PHF10: variants seen among roughly 807,000 people sequenced by gnomAD.
PHF10 encodes the protein PHD finger protein 10.
Under a neutral mutation model 68.5 loss-of-function variants are expected in PHF10, and 51 were observed. That is an observed-to-expected ratio of 0.74 (90% CI 0.59 to 0.94). The LOEUF (loss-of-function observed/expected upper bound fraction) is 0.94. Among genes scored for constraint, PHF10 ranks in the 40% least tolerant of loss-of-function variants. PHF10 has a pLI of 0.00. For missense variants in PHF10, 460 were observed against 602.6 expected, an observed-to-expected ratio of 0.76 and a Z score of 2.48; for synonymous variants, 204 against 203.5, an observed-to-expected ratio of 1.00 and a Z score of -0.02.
At chr6:169,714,354 T>TA (rs1788995399) in intron 7 of PHF10, among the ~76,000 whole-genome samples, 2 of 152,338 alleles carry the variant, frequency 1.3e-5, no homozygotes, top group African/African-American at 4.8e-5. Context: ...AGACATCTGT[T>TA]AAAATGCAGA....
Position 169,715,720 on chromosome 6 carries a change from G to A in PHF10, c.681C>T (p.Asp227=), listed in dbSNP as rs1789031707. The A allele has an allele frequency of 1.9e-6, 3 of 1,611,806 alleles. No homozygotes were observed. Among genetic ancestry groups the A allele is most frequent in the Non-Finnish European group, 2.5e-6 (3 of 1,179,818 alleles). Residue 227 remains aspartate (D), a synonymous_variant, in exon 6 of 12, where the codon GAC becomes GAT. Transcript: ENST00000339209. The part of the protein sequence containing the change: ...ERMEERRAYF[D]LQTHVIQVPQ... ...TAAGTTATCCTACATGTGTCTGCAA[G>A]TCAAAATAAGCTCTTCTTTCTTCCA... is the stretch of plus-strand genomic sequence containing the variant.
chr6:169,706,725 CAT>C lies in PHF10; in HGVS notation c.1114-1003_1114-1002del, dbSNP rs1333529844. Among the ~76,000 whole-genome samples the C allele has an allele frequency of 2.0e-3, 150 of 73,362 alleles. 1 individual carries two copies. Among genetic ancestry groups the C allele is most frequent in the Middle Eastern group, 0.012 (2 of 162 alleles). 48.1% of individuals were successfully genotyped at this position (73,362 alleles called of 152,430 possible). On this transcript the variant is annotated intron_variant, in intron 9 of 11. Coordinates refer to ENST00000339209, the MANE Select transcript of PHF10 (RefSeq NM_018288.4). ...TGGGGTAAGGGGACATACATACATA[CAT>C]ACACACACACACACACACACACACA...
At chr6:169,718,533 C>T (rs946082696) in intron 3 of PHF10, among the ~76,000 whole-genome samples, 1 of 152,024 alleles carries the variant, frequency 6.6e-6, no homozygotes, top group Non-Finnish European at 1.5e-5. Context: ...TGCCACGCGT[C>T]GTGGTGCACA....
At position 169,715,763 on chromosome 6, in the gene PHF10, T is replaced by G; in HGVS notation, c.638A>C (p.Asn213Thr). Residue 213 changes from asparagine (N) to threonine (T), a missense_variant, in exon 6 of 12, where the codon AAC (asparagine) becomes ACC (threonine). This residue lies in a region of PHF10 where 256 missense variants were observed against 410.5 expected (regional missense o/e 0.62). Coordinates refer to ENST00000339209, the MANE Select transcript of PHF10 (RefSeq NM_018288.4). ...AAKKAAEFNS[N>T]LNRERMEERR... Reference sequence around the variant, plus strand: ...TTCTTCCATGCGTTCCCGGTTTAAGTTGCTATTAAATTCTGCTGCTTTTTT... The same window carrying G: ...TTCTTCCATGCGTTCCCGGTTTAAGGTGCTATTAAATTCTGCTGCTTTTTT... 6.2e-7 allele frequency: 1 copy of G among 1,613,422 alleles called. No homozygotes were observed.
In PHF10 at chr6:169,710,407, C is replaced by A; in HGVS notation, c.958-16G>T. 6.3e-7 allele frequency: 1 copy of A among 1,593,240 alleles called. No homozygotes were observed. The highest frequency in any genetic ancestry group is 8.6e-7 in the Non-Finnish European group (1 of 1,167,328). ...AGGAGCTGTCCTGGAGTTTAAAAGGCAAAAACAAAGATTCTTTGGAATTAA... is the reference window on the plus strand; with the variant it reads ...AGGAGCTGTCCTGGAGTTTAAAAGGAAAAAACAAAGATTCTTTGGAATTAA... On this transcript the variant is annotated splice_polypyrimidine_tract_variant and intron_variant, in intron 8 of 11. Transcript: ENST00000339209.
chr6:169,705,079 G>A, intron 11 of PHF10, 54 bp downstream of exon 11: 1 of 1,353,344 alleles, frequency 7.4e-7, no homozygotes, highest in Non-Finnish European at 1.0e-6. Flanking sequence ...CTTTTGGAGT[G>A]CTGGGAGAGT....
chr6:169,718,589 G>A (rs1388501264), intron 3 of PHF10, among the ~76,000 whole-genome samples, 199 bp downstream of exon 3: 7 of 152,172 alleles, frequency 4.6e-5, no homozygotes. Context: ...GAGACAGCTA[G>A]CCCAGGAGTG....
At chr6:169,718,943 C>A (rs540359721) in intron 2 of PHF10, 25 bp from the exon 3 acceptor site, 8 of 1,423,942 alleles carry the variant, frequency 5.6e-6, no homozygotes, top group Non-Finnish European at 9.8e-7. Context: ...ACATATTATG[C>A]ATTAAATGTA....
chr6:169,709,303 CT>C (rs17860614), intron 9 of PHF10: 1 of 152,046 alleles, frequency 6.6e-6, no homozygotes, highest in Non-Finnish European at 1.5e-5. Flanking sequence ...CTTGGCAAAA[CT>C]TTCTCATCAG....
Position 169,715,783 on chromosome 6 carries a change from T to C in PHF10, c.618A>G (p.Lys206=), listed in dbSNP as rs561577526. 1 of 1,613,472 alleles carries C rather than the reference T, an allele frequency of 6.2e-7. No homozygotes were observed. The highest frequency in any genetic ancestry group is 1.1e-5 in the South Asian group (1 of 91,054). The part of the protein sequence containing the change: ...VPEYIKKAAK[K]AAEFNSNLNR... Reference sequence around the variant, plus strand: ...TTAAGTTGCTATTAAATTCTGCTGCTTTTTTGGCAGCTTTCTTAATATACT... The same window carrying C: ...TTAAGTTGCTATTAAATTCTGCTGCCTTTTTGGCAGCTTTCTTAATATACT... The change falls in exon 6 of 12, where the codon AAA becomes AAG. Residue 206 remains lysine, a synonymous_variant. Coordinates refer to ENST00000339209, the MANE Select transcript of PHF10 (RefSeq NM_018288.4).
Position 169,712,515 on chromosome 6 carries a change from A to G in PHF10, c.828T>C (p.Tyr276=). The G allele has an allele frequency of 6.2e-7, 1 of 1,613,570 alleles. No homozygotes were observed. Among genetic ancestry groups the G allele is most frequent in the Non-Finnish European group, 8.5e-7 (1 of 1,179,790 alleles). Residue 276 remains tyrosine, a synonymous_variant, in exon 8 of 12, where the codon TAT becomes TAC. Transcript: ENST00000339209. ...CATACAGGGCTGTGTTTAATGGCAG[A>G]TACCGCAGCTCATCTGGTGAGTACC... ...YKRYSPDELR[Y]LPLNTALYEP...
chr6:169,714,864 C>T, intron 6 of PHF10, 22 bp from the exon 7 acceptor site: 1 of 1,121,868 alleles, frequency 8.9e-7, no homozygotes, highest in East Asian at 2.3e-5. Flanking sequence ...TAAAGAGAAA[C>T]ACAAAACTGA....
In PHF10 at chr6:169,710,329, G is replaced by C. The variant is rs760729295; in HGVS notation, c.1020C>G (p.Phe340Leu). The C allele has an allele frequency of 2.5e-5, 41 of 1,611,786 alleles. No homozygotes were observed. The South Asian group carries it at 4.3e-4, about 17-fold the overall frequency. The change falls in exon 9 of 12, where the codon TTC becomes TTG. Residue 340 changes from phenylalanine (F) to leucine (L), a missense_variant. Coordinates refer to ENST00000339209, the MANE Select transcript of PHF10 (RefSeq NM_018288.4). ...ESPPDSQEDS[F>L]QGRQKSKDKA... ...TGTCTTTTGATTTCTGTCTTCCCTGGAAAGAGTCCTCCTGGCTGTCAGGAG... is the reference window on the plus strand; with the variant it reads ...TGTCTTTTGATTTCTGTCTTCCCTGCAAAGAGTCCTCCTGGCTGTCAGGAG...
At chr6:169,704,172 C>G in intron 11 of PHF10, 84 bp from the exon 12 acceptor site, 4 of 960,722 alleles carry the variant, frequency 4.2e-6, no homozygotes, top group Non-Finnish European at 6.0e-6. Context: ...TCTGCCTTAG[C>G]TATCACTAAT....
At position 169,713,356 on chromosome 6, in the gene PHF10, C is replaced by T. The variant is rs140206981; in HGVS notation, c.804-817G>A. ...GCTCACGCCTATAATCCCAGCATTT[C>T]GGGAGGCCAAGGTGGGCAGATCACC... On this transcript the variant is annotated intron_variant, in intron 7 of 11. Transcript: ENST00000339209. 8.9e-3 allele frequency among the ~76,000 whole-genome samples: 1,348 copies of T among 152,162 alleles called. 61 individuals carry two copies. Among genetic ancestry groups the T allele is most frequent in the Admixed American group, 0.07 (1,078 of 15,292 alleles).
intron 1 of PHF10, 123 bp from the exon 2 acceptor site, chr6:169,721,234 A>G: frequency 1.7e-6 from 1 of 577,100 alleles, no homozygotes; most frequent in South Asian, 2.6e-5. Context: ...TATTATAATT[A>G]AAAGGGTCCA....
At chr6:169,723,448 C>T (rs1360559199) in intron 1 of PHF10, among the ~76,000 whole-genome samples, 2 of 152,198 alleles carry the variant, frequency 1.3e-5, no homozygotes, top group Non-Finnish European at 2.9e-5. Context: ...TTGCAGTAAG[C>T]GTTCAAACAC....
At chr6:169,716,671 C>T (rs769227753) in intron 4 of PHF10, among the ~76,000 whole-genome samples, 30 of 152,242 alleles carry the variant, frequency 2.0e-4, no homozygotes, top group Non-Finnish European at 2.9e-4. Context: ...AAATAAAGCA[C>T]GGACATAATT....
At position 169,718,868 on chromosome 6, in the gene PHF10, T is replaced by C. The variant is rs1361529082; in HGVS notation, c.245A>G (p.Asp82Gly). 3 of 1,599,324 alleles carry C rather than the reference T, an allele frequency of 1.9e-6. No homozygotes were observed. Among genetic ancestry groups the C allele is most frequent in the Non-Finnish European group, 2.6e-6 (3 of 1,167,782 alleles). Residue 82 changes from aspartate to glycine, a missense_variant, in exon 3 of 12, where the codon GAT becomes GGT. Transcript: ENST00000339209. ...ENLIEYKWPPDETGEYYMLQE... is the reference protein window; with the variant it reads ...ENLIEYKWPPGETGEYYMLQE... Reference sequence around the variant, plus strand: ...AAGCATATAGTATTCTCCTGTTTCATCAGGTGGCCATTTGTACTCTATCAA... The same window carrying C: ...AAGCATATAGTATTCTCCTGTTTCACCAGGTGGCCATTTGTACTCTATCAA...
Sources: gnomAD v4.1 joint callset for allele counts (sites outside exome capture counted in the v4.1 genomes callset) on GRCh38, gnomAD v4.1.1 for gene constraint, gnomAD v4.1.1 regional missense constraint, MANE v1.5 for transcripts, NCBI Gene and HGNC (gene_info 2026-07-23, HGNC 2026-07-21) for gene names.